Variants in DGKD observed in about 807,000 individuals in gnomAD.
The protein encoded by DGKD is diacylglycerol kinase delta, also known as DAG kinase delta.
DGKD carries 68 observed loss-of-function variants against 154.4 expected under a neutral mutation model. That is an observed-to-expected ratio of 0.44 (90% CI 0.36 to 0.54). The LOEUF (loss-of-function observed/expected upper bound fraction) is 0.54. Ranked by LOEUF, DGKD falls within the 20% of genes least tolerant of loss-of-function variation. The pLI, the probability that DGKD is intolerant of heterozygous loss-of-function variation, is 0.00. For synonymous variants in DGKD, 693 were observed against 638.0 expected (o/e 1.09, Z -1.30); for missense variants, 1,343 against 1,593.6 (o/e 0.84, Z 2.68).
chr2:233,468,624 C>T (rs2063902591), intron 29 of DGKD, 71 bp downstream of exon 29: 1 of 1,593,824 alleles, frequency 6.3e-7, no homozygotes, highest in Non-Finnish European at 8.5e-7. Flanking sequence ...TCCATCCTCT[C>T]CCCCGACCTG....
chr2:233,468,631 C>T, intron 29 of DGKD, 78 bp downstream of exon 29: 1 of 1,587,310 alleles, frequency 6.3e-7, no homozygotes, highest in Non-Finnish European at 8.6e-7. Flanking sequence ...TCTCCCCCGA[C>T]CTGGCCATGT....
At chr2:233,386,596 C>G (rs1163917143) in intron 1 of DGKD, among the ~76,000 whole-genome samples, 1 of 152,102 alleles carries the variant, frequency 6.6e-6, no homozygotes, top group Non-Finnish European at 1.5e-5. Context: ...CAAGCGTCAT[C>G]AGAATGCTTG....
At chr2:233,393,333 CCT>C in intron 3 of DGKD, among the ~76,000 whole-genome samples, 2 of 115,662 alleles carry the variant, frequency 1.7e-5, no homozygotes, top group African/African-American at 7.0e-5. Context: ...TGGCCTGTTT[CCT>C]TTTTTTTTTT....
intron 10 of DGKD, 200 bp downstream of exon 10, chr2:233,442,195 G>C: frequency 1.4e-6 from 1 of 690,374 alleles, no homozygotes; most frequent in East Asian, 2.8e-5. Flanking sequence ...TGGAGGCCCG[G>C]GGGCTCTGGC....
In DGKD at chr2:233,438,207, T is replaced by C. The variant is rs747794461; in HGVS notation, c.923-10T>C. On this transcript the variant is annotated splice_polypyrimidine_tract_variant and intron_variant, in intron 8 of 29. Transcript: ENST00000264057. The surrounding 1 kb of genome is among the most constrained non-coding windows in gnomAD (Gnocchi z 4.1). ...CCTATATATTTTCTTCTGTTCGTTC[T>C]TGCGTCCAGGGTTCTGGAAGGCCAG... 64 of 1,613,068 alleles carry C rather than the reference T, an allele frequency of 4.0e-5. No individual in the cohort carries two copies. The Middle Eastern group carries it at 1.2e-3, about 30-fold the overall frequency.
chr2:233,438,377 C>T lies in DGKD; in HGVS notation c.1083C>T (p.Leu361=), dbSNP rs370373545. The T allele has an allele frequency of 3.8e-5, 61 of 1,608,766 alleles. No homozygotes were observed. The highest frequency in any genetic ancestry group is 5.0e-5 in the Non-Finnish European group (59 of 1,176,516). Residue 361 remains leucine (L), a splice_region_variant and synonymous_variant, in exon 9 of 30, where the codon CTC becomes CTT. Transcript: ENST00000264057. This position sits in a 1 kb window ranked among gnomAD's most constrained non-coding sequence, Gnocchi z 4.1. ...VFDLMNGGPH[L]GLRLFQKFDT... is the part of the protein sequence containing the mutation. ...ACCTCATGAACGGAGGCCCACACCTCGGGTAGGAAGCTTGTAAAATATATC... is the reference window on the plus strand; with the variant it reads ...ACCTCATGAACGGAGGCCCACACCTTGGGTAGGAAGCTTGTAAAATATATC...
intron 1 of DGKD, among the ~76,000 whole-genome samples, chr2:233,387,984 T>G (rs139936765): frequency 6.6e-6 from 1 of 152,306 alleles, no homozygotes; most frequent in Non-Finnish European, 1.5e-5. Context: ...CCCTTCTTCA[T>G]GTCTGCCAGT....
At chr2:233,420,877 G>A (rs2125544371) in intron 3 of DGKD, among the ~76,000 whole-genome samples, 2 of 152,272 alleles carry the variant, frequency 1.3e-5, no homozygotes, top group Middle Eastern at 3.4e-3. Context: ...CCTGTGATCA[G>A]TAGTGCTGCT....
rs190346249 is a variant in DGKD at position 233,462,660 on chromosome 2, C to G, written c.3111C>G (p.Phe1037Leu). 6.2e-7 allele frequency: 1 copy of G among 1,614,132 alleles called. No homozygotes were observed. Among genetic ancestry groups the G allele is most frequent in the Admixed American group, 1.7e-5 (1 of 60,012 alleles). Residue 1037 changes from phenylalanine (F) to leucine (L), a missense_variant, in exon 26 of 30, where the codon TTC (phenylalanine) becomes TTG (leucine). Coordinates refer to ENST00000264057, the MANE Select transcript of DGKD (RefSeq NM_152879.3). Reference protein sequence around the residue: ...PRTTEGLNCSFVLEMVNNFRA... With the variant: ...PRTTEGLNCSLVLEMVNNFRA... ...TCTTCTAGGGGCTCAACTGCAGCTT[C>G]GTCCTGGAAATGGTGAATAACTTCA...
intron 24 of DGKD, among the ~76,000 whole-genome samples, 163 bp from the exon 25 acceptor site, chr2:233,462,185 T>C (rs1187217118): frequency 2.6e-5 from 4 of 152,242 alleles, no homozygotes; most frequent in African/African-American, 7.2e-5. Context: ...CCCAAGCTTG[T>C]GACTGAACGG....
At chr2:233,358,760 A>C (rs976482338) in intron 1 of DGKD, among the ~76,000 whole-genome samples, 1 of 152,184 alleles carries the variant, frequency 6.6e-6, no homozygotes, top group African/African-American at 2.4e-5. Flanking sequence ...GTAATATTCC[A>C]TTCTACAGGC....
At chr2:233,359,745 T>C (rs569660101) in intron 1 of DGKD, among the ~76,000 whole-genome samples, 62 of 152,224 alleles carry the variant, frequency 4.1e-4, no homozygotes, top group Non-Finnish European at 7.5e-4. Context: ...ATCTTAACAT[T>C]GTTAACTGTT....
chr2:233,377,067 G>A (rs1196688556), intron 1 of DGKD, among the ~76,000 whole-genome samples: 4 of 145,954 alleles, frequency 2.7e-5, no homozygotes, highest in East Asian at 2.0e-4. Context: ...TATTAATAGC[G>A]TAGCATGTTC....
At chr2:233,372,525 T>G (rs1184489723) in intron 1 of DGKD, among the ~76,000 whole-genome samples, 3 of 152,152 alleles carry the variant, frequency 2.0e-5, no homozygotes, top group African/African-American at 4.8e-5. Context: ...TCTCTGTGGT[T>G]GCTGAACATT....
intron 1 of DGKD, among the ~76,000 whole-genome samples, chr2:233,355,556 G>A: frequency 6.6e-6 from 1 of 152,152 alleles, no homozygotes; most frequent in East Asian, 1.9e-4. Context: ...TTTCCTCCGG[G>A]GCGGATTAGG....
intron 3 of DGKD, among the ~76,000 whole-genome samples, chr2:233,433,635 C>T (rs1315501333): frequency 3.3e-5 from 5 of 152,042 alleles, no homozygotes; most frequent in South Asian, 2.1e-4. Flanking sequence ...CAATGGATAC[C>T]CCATTTACTC....
At chr2:233,465,762 C>T (rs1199575489) in intron 27 of DGKD, among the ~76,000 whole-genome samples, 1 of 152,114 alleles carries the variant, frequency 6.6e-6, no homozygotes, top group Non-Finnish European at 1.5e-5. Flanking sequence ...AGAAAAATGA[C>T]ATGGCTTTCT....
intron 27 of DGKD, among the ~76,000 whole-genome samples, chr2:233,466,660 A>G (rs911793770): frequency 6.6e-6 from 1 of 152,300 alleles, no homozygotes; most frequent in East Asian, 1.9e-4. Flanking sequence ...ATCGCAAGGA[A>G]AGAATGCAAA....
At chr2:233,383,172 C>G (rs1480683832) in intron 1 of DGKD, among the ~76,000 whole-genome samples, 2 of 151,970 alleles carry the variant, frequency 1.3e-5, no homozygotes, top group Admixed American at 1.3e-4. Context: ...ACCGAAGTAG[C>G]TGGGATTACA....
Sources: allele counts gnomAD v4.1 joint callset (sites outside exome capture counted in the v4.1 genomes callset), GRCh38; gene constraint gnomAD v4.1.1; non-coding constraint Gnocchi (gnomAD v3.1); transcripts MANE v1.5; gene names NCBI Gene and HGNC (gene_info 2026-07-23, HGNC 2026-07-21).